SLC25A21: variants seen among roughly 807,000 people sequenced by gnomAD.
SLC25A21 encodes the protein solute carrier family 25 member 21, also known as mitochondrial 2-oxodicarboxylate carrier.
Under a neutral mutation model 43.8 loss-of-function variants are expected in SLC25A21, and 47 were observed. That is an observed-to-expected ratio of 1.07 (90% CI 0.85 to 1.37). SLC25A21 has a LOEUF of 1.37. Ranked by LOEUF, SLC25A21 falls within the 40% of genes most tolerant of loss-of-function variation. The pLI is 0.00. For missense variants in SLC25A21, 352 were observed against 350.2 expected, an observed-to-expected ratio of 1.00 and a Z score of -0.04; for synonymous variants, 131 against 121.3, an observed-to-expected ratio of 1.08 and a Z score of -0.52.
chr14:36,869,519 C>T (rs1890306999), intron 2 of SLC25A21, among the ~76,000 whole-genome samples: 1 of 152,196 alleles, frequency 6.6e-6, no homozygotes, highest in Admixed American at 6.5e-5. Context: ...CCTGGGATGC[C>T]TCAGGCCTCG....
chr14:36,966,746 T>A (rs962399404), intron 1 of SLC25A21, among the ~76,000 whole-genome samples: 2 of 152,204 alleles, frequency 1.3e-5, no homozygotes, highest in African/African-American at 2.4e-5. Context: ...TTCTTTCTTC[T>A]ATTGAAATTA....
At chr14:37,109,068 A>C (rs2138874826) in intron 1 of SLC25A21, among the ~76,000 whole-genome samples, 1 of 152,210 alleles carries the variant, frequency 6.6e-6, no homozygotes, top group African/African-American at 2.4e-5. Flanking sequence ...TTTTCTTTAA[A>C]ATTTTGTCCT....
At chr14:37,067,931 T>C (rs149530650) in intron 1 of SLC25A21, among the ~76,000 whole-genome samples, 1 of 152,384 alleles carries the variant, frequency 6.6e-6, no homozygotes, top group East Asian at 1.9e-4. Context: ...AGTGATTCTA[T>C]TACAAAATTA....
intron 1 of SLC25A21, among the ~76,000 whole-genome samples, chr14:37,136,459 T>C (rs914986454): frequency 1.3e-5 from 2 of 152,190 alleles, no homozygotes; most frequent in Non-Finnish European, 2.9e-5. Context: ...GACATGGATA[T>C]TCCTACATGC....
intron 1 of SLC25A21, among the ~76,000 whole-genome samples, chr14:37,015,100 T>C (rs530744271): frequency 1.1e-4 from 17 of 152,172 alleles, no homozygotes; most frequent in African/African-American, 3.6e-4. Context: ...TGCAGGTTAG[T>C]TACATATGTA....
chr14:36,934,170 T>C (rs1350225103), intron 1 of SLC25A21, among the ~76,000 whole-genome samples: 1 of 152,208 alleles, frequency 6.6e-6, no homozygotes, highest in Non-Finnish European at 1.5e-5. Context: ...ATTTGGATAA[T>C]AAGTAGAAAT....
chr14:36,823,709 T>C (rs1339859557), intron 2 of SLC25A21, among the ~76,000 whole-genome samples: 1 of 152,200 alleles, frequency 6.6e-6, no homozygotes, highest in Non-Finnish European at 1.5e-5. Context: ...GTAGTTTTCC[T>C]GCATTTTCCA....
In SLC25A21 at chr14:36,702,179, C is replaced by T. The variant is rs568729049; in HGVS notation, c.603+9139G>A. Among the ~76,000 whole-genome samples the T allele has an allele frequency of 4.6e-5, 7 of 152,174 alleles. No homozygotes were observed. The East Asian group carries it at 1.2e-3, about 25-fold the overall frequency. On this transcript the variant is annotated intron_variant, in intron 7 of 9. Coordinates refer to ENST00000331299, the MANE Select transcript of SLC25A21 (RefSeq NM_030631.4). ...CTCCATTTCTCCTTCTCTACTGGTTCTCCATGCACCAGCAACACTCATTCT... is the reference window on the plus strand; with the variant it reads ...CTCCATTTCTCCTTCTCTACTGGTTTTCCATGCACCAGCAACACTCATTCT...
chr14:36,770,266 G>A (rs1326918642), intron 3 of SLC25A21, among the ~76,000 whole-genome samples: 1 of 152,124 alleles, frequency 6.6e-6, no homozygotes, highest in Non-Finnish European at 1.5e-5. Flanking sequence ...ATTAACACAG[G>A]AACAGAAAAC....
chr14:36,945,398 G>A (rs902493844), intron 1 of SLC25A21, among the ~76,000 whole-genome samples: 2 of 152,160 alleles, frequency 1.3e-5, no homozygotes, highest in Non-Finnish European at 1.5e-5. Flanking sequence ...GAGACTTGAA[G>A]AGATATTTGT....
At chr14:36,822,625 C>A (rs1277851137) in intron 2 of SLC25A21, among the ~76,000 whole-genome samples, 2 of 152,172 alleles carry the variant, frequency 1.3e-5, no homozygotes, top group Non-Finnish European at 2.9e-5. Flanking sequence ...GATAAAGTAA[C>A]AACATCTTGG....
intron 1 of SLC25A21, among the ~76,000 whole-genome samples, chr14:37,062,342 GAAGAAT>G (rs975743524): frequency 6.6e-6 from 1 of 152,108 alleles, no homozygotes; most frequent in Non-Finnish European, 1.5e-5. Context: ...AGAGTTGTGA[GAAGAAT>G]AAGTCCTAAA....
At chr14:36,977,921 C>T (rs192728719) in intron 1 of SLC25A21, among the ~76,000 whole-genome samples, 31 of 147,610 alleles carry the variant, frequency 2.1e-4, no homozygotes, top group Admixed American at 1.6e-3. Context: ...ATTTCACACA[C>T]TCCTCAGTGA....
intron 1 of SLC25A21, among the ~76,000 whole-genome samples, chr14:37,008,208 C>G (rs948065266): frequency 6.6e-6 from 1 of 152,116 alleles, no homozygotes; most frequent in African/African-American, 2.4e-5. Context: ...CTGCCTAAAA[C>G]TCATGGTTGA....
chr14:36,954,349 G>A (rs896938755), intron 1 of SLC25A21, among the ~76,000 whole-genome samples: 5 of 151,758 alleles, frequency 3.3e-5, no homozygotes, highest in East Asian at 1.9e-4. Context: ...CATAATCCTC[G>A]TCTGCTAAAG....
chr14:36,793,531 A>AT (rs1428777376), intron 3 of SLC25A21, among the ~76,000 whole-genome samples: 2 of 95,066 alleles, frequency 2.1e-5, no homozygotes, highest in Non-Finnish European at 4.0e-5. Flanking sequence ...AGAAAATACA[A>AT]CCAAAAAAAA....
chr14:37,108,704 AGTGTGTGTGTGT>A (rs56801840), intron 1 of SLC25A21, among the ~76,000 whole-genome samples: 58,737 of 149,238 alleles, frequency 0.39, 13,683 homozygotes, highest in Admixed American at 0.54. Flanking sequence ...AGTTTTGTTA[AGTGTGTGTGTGT>A]GTGTGTGTGT....
At chr14:36,816,927 T>G (rs557933109) in intron 2 of SLC25A21, among the ~76,000 whole-genome samples, 1 of 147,606 alleles carries the variant, frequency 6.8e-6, no homozygotes, top group Non-Finnish European at 1.5e-5. Context: ...TATAAAATCC[T>G]TTCTTACATC....
chr14:36,821,174 A>G (rs986105911), intron 2 of SLC25A21, among the ~76,000 whole-genome samples: 1 of 152,180 alleles, frequency 6.6e-6, no homozygotes, highest in African/African-American at 2.4e-5. Flanking sequence ...CCTAGAAAGC[A>G]CATCTTCAGA....
Sources: gnomAD v4.1 joint callset for allele counts (sites outside exome capture counted in the v4.1 genomes callset) on GRCh38, gnomAD v4.1.1 for gene constraint, MANE v1.5 for transcripts, NCBI Gene and HGNC (gene_info 2026-07-23, HGNC 2026-07-21) for gene names.